The following WDR72 variants were observed in gnomAD, a reference collection of about 807,000 sequenced individuals.
WDR72 encodes WD repeat domain 72, also known as WD repeat-containing protein 72.
WDR72 carries 120 observed loss-of-function variants against 124.2 expected under a neutral mutation model. The ratio of observed to expected loss-of-function variants is 0.97; its 90% CI spans 0.83 to 1.12. WDR72 has a LOEUF of 1.12. Ranked by LOEUF, WDR72 falls within the 50% of genes most tolerant of loss-of-function variation. WDR72 has a pLI of 0.00. For synonymous variants in WDR72, 452 were observed against 441.7 expected, an observed-to-expected ratio of 1.02 and a Z score of -0.29; for missense variants, 1,387 against 1,278.8, an observed-to-expected ratio of 1.08 and a Z score of -1.29.
At chr15:53,715,086 T>C in intron 5 of WDR72, 107 bp downstream of exon 5, 2 of 1,245,352 alleles carry the variant, frequency 1.6e-6, no homozygotes, top group Non-Finnish European at 1.1e-6. Flanking sequence ...CAGGTAAGCA[T>C]AAAGAAGCAT....
At chr15:53,681,281 G>A (rs971277465) in intron 13 of WDR72, among the ~76,000 whole-genome samples, 5 of 152,296 alleles carry the variant, frequency 3.3e-5, no homozygotes, top group East Asian at 1.9e-4. Context: ...AGAAGGCAGC[G>A]TGGGGAGGGC....
chr15:53,591,663 C>T (rs7183536), intron 18 of WDR72, among the ~76,000 whole-genome samples: 10,614 of 151,064 alleles, frequency 0.07, 598 homozygotes, highest in African/African-American at 0.16. Context: ...CACACGCACA[C>T]ATATATACAT....
chr15:53,757,124 A>G (rs1287678525), intron 1 of WDR72, among the ~76,000 whole-genome samples: 1 of 152,226 alleles, frequency 6.6e-6, no homozygotes, highest in Non-Finnish European at 1.5e-5. Flanking sequence ...GATTAGGAAG[A>G]GGTCTTGCAA....
intron 6 of WDR72, among the ~76,000 whole-genome samples, chr15:53,713,413 A>ACTTTATTTTATTTTATTTTG (rs1567043889): frequency 1.2e-4 from 13 of 112,526 alleles, no homozygotes; most frequent in Non-Finnish European, 1.6e-4. Flanking sequence ...ATTTTGTTGT[A>ACTTTATTTTATTTTATTTTG]TTTTATTTTA....
chr15:53,632,429 G>A lies in WDR72; in HGVS notation c.1963-16186C>T, dbSNP rs904214755. ...CTGGATGTCCAAGCAGAAGTCTGCC[G>A]CAGGAGTGGAGCCCTCATGAAGAAC... is the stretch of plus-strand genomic sequence containing the variant. On this transcript the variant is annotated intron_variant, in intron 14 of 19. Coordinates refer to ENST00000360509, the MANE Select transcript of WDR72 (RefSeq NM_182758.4). Among the ~76,000 whole-genome samples, 9 of 152,006 alleles carry A rather than the reference G, an allele frequency of 5.9e-5. 1 individual carries two copies. Among genetic ancestry groups the A allele is most frequent in the South Asian group, 2.1e-4 (1 of 4,824 alleles).
At chr15:53,749,828 C>T (rs569242910) in intron 1 of WDR72, among the ~76,000 whole-genome samples, 36 of 152,268 alleles carry the variant, frequency 2.4e-4, no homozygotes, top group African/African-American at 7.5e-4. Context: ...AAACCATCCA[C>T]AACATTCCCT....
At chr15:53,657,263 C>CAAAAAAAAAAAAA (rs10549551) in intron 14 of WDR72, among the ~76,000 whole-genome samples, 5 of 56,402 alleles carry the variant, frequency 8.9e-5, no homozygotes, top group African/African-American at 3.1e-4. Context: ...GACTCCATCT[C>CAAAAAAAAAAAAA]AAAAAAAAAA....
intron 14 of WDR72, among the ~76,000 whole-genome samples, chr15:53,646,543 T>G (rs2015048829): frequency 6.6e-6 from 1 of 152,074 alleles, no homozygotes; most frequent in South Asian, 2.1e-4. Flanking sequence ...CAAAGGCCAG[T>G]AGACTGTTTC....
At chr15:53,623,760 C>G (rs2014099043) in intron 14 of WDR72, among the ~76,000 whole-genome samples, 1 of 152,168 alleles carries the variant, frequency 6.6e-6, no homozygotes, top group African/African-American at 2.4e-5. Flanking sequence ...TACATTCCCA[C>G]CAAGTATAAG....
At chr15:53,749,437 T>A (rs2018722092) in intron 1 of WDR72, among the ~76,000 whole-genome samples, 1 of 152,184 alleles carries the variant, frequency 6.6e-6, no homozygotes, top group Non-Finnish European at 1.5e-5. Context: ...GTTTTTGTTC[T>A]GACTGTTCCA....
chr15:53,582,185 C>A (rs1878546939), intron 18 of WDR72, among the ~76,000 whole-genome samples: 1 of 151,936 alleles, frequency 6.6e-6, no homozygotes, highest in African/African-American at 2.4e-5. Context: ...TTTATGCCTA[C>A]AGAATAACTA....
intron 9 of WDR72, among the ~76,000 whole-genome samples, chr15:53,709,706 G>A (rs997951732): frequency 8.5e-5 from 13 of 152,186 alleles, no homozygotes; most frequent in Non-Finnish European, 1.5e-5. Flanking sequence ...TTTAGAAATA[G>A]TGGTTGATGC....
chr15:53,740,956 T>C (rs1219370935), intron 1 of WDR72, among the ~76,000 whole-genome samples: 1 of 152,210 alleles, frequency 6.6e-6, no homozygotes, highest in Non-Finnish European at 1.5e-5. Context: ...CTTACTACTA[T>C]TATTTTTATT....
intron 19 of WDR72, 66 bp downstream of exon 19, chr15:53,523,152 T>A (rs899315975): frequency 5.3e-6 from 8 of 1,502,012 alleles, no homozygotes; most frequent in Non-Finnish European, 7.4e-6. Context: ...CTCACCCCCT[T>A]CCAAGGACCC....
At chr15:53,638,265 T>C (rs1298730279) in intron 14 of WDR72, among the ~76,000 whole-genome samples, 2 of 152,178 alleles carry the variant, frequency 1.3e-5, no homozygotes, top group Admixed American at 6.6e-5. Context: ...AACACCACAA[T>C]GGGGCTATCT....
chr15:53,643,026 T>C (rs1289456914), intron 14 of WDR72, among the ~76,000 whole-genome samples: 3 of 152,108 alleles, frequency 2.0e-5, no homozygotes, highest in Non-Finnish European at 2.9e-5. Context: ...ATTTTCCTTA[T>C]CTATAAGCTT....
intron 18 of WDR72, among the ~76,000 whole-genome samples, chr15:53,568,072 G>T (rs1894366118): frequency 7.2e-6 from 1 of 138,104 alleles, no homozygotes. Flanking sequence ...TTTTTGTCTT[G>T]TTTTTTTTTT....
At chr15:53,548,520 C>G (rs1893587696) in intron 18 of WDR72, among the ~76,000 whole-genome samples, 1 of 152,090 alleles carries the variant, frequency 6.6e-6, no homozygotes, top group Admixed American at 6.5e-5. Flanking sequence ...AGGCATTAAT[C>G]TTTGATAAGC....
At chr15:53,665,528 G>T in intron 14 of WDR72, 44 bp downstream of exon 14, 2 of 1,606,040 alleles carry the variant, frequency 1.2e-6, no homozygotes, top group Non-Finnish European at 1.7e-6. Context: ...CTTCTTATTC[G>T]GTTGATAATG....
Sources: gnomAD v4.1 joint callset for allele counts (sites outside exome capture counted in the v4.1 genomes callset) on GRCh38, gnomAD v4.1.1 for gene constraint, MANE v1.5 for transcripts, NCBI Gene and HGNC (gene_info 2026-07-23, HGNC 2026-07-21) for gene names.